PIP4K2C: variants seen among roughly 807,000 people sequenced by gnomAD.
PIP4K2C encodes the protein phosphatidylinositol-5-phosphate 4-kinase type 2 gamma, also known as phosphatidylinositol 5-phosphate 4-kinase type-2 gamma.
In PIP4K2C, 21 loss-of-function variants were observed where a neutral mutation model predicts 45.0. The ratio of observed to expected loss-of-function variants is 0.47; its 90% CI spans 0.33 to 0.67. The LOEUF (loss-of-function observed/expected upper bound fraction) is 0.67. Among genes scored for constraint, PIP4K2C ranks in the 30% least tolerant of loss-of-function variants. The pLI is 0.02. For synonymous variants in PIP4K2C, 201 were observed against 204.8 expected, an observed-to-expected ratio of 0.98 and a Z score of 0.16; for missense variants, 456 against 542.8, an observed-to-expected ratio of 0.84 and a Z score of 1.59.
chr12:57,593,293 T>A (rs933110167), intron 1 of PIP4K2C, among the ~76,000 whole-genome samples: 1 of 152,186 alleles, frequency 6.6e-6, no homozygotes, highest in African/African-American at 2.4e-5. Context: ...GCTCCCTTTC[T>A]ACCCTGAATT....
chr12:57,601,672 G>A lies in PIP4K2C; in HGVS notation c.*66G>A. ...TCTGAGACACTTGGGGGAATTGTGG[G>A]GATATTCTAGCCACCAGTTCTCTTC... On this transcript the variant is annotated 3_prime_UTR_variant, in exon 10 of 10. Coordinates refer to ENST00000354947, the MANE Select transcript of PIP4K2C (RefSeq NM_024779.5). 4.4e-6 allele frequency: 6 copies of A among 1,358,968 alleles called. No individual in the cohort carries two copies. In the South Asian group the frequency reaches 7.0e-5, roughly 16 times the overall value. The allele number at this position is 1,358,968 out of a possible 1,614,324, so 84.2% of individuals were successfully genotyped here. A position where few individuals can be genotyped will look rare whatever the true frequency, so the allele number is the denominator to read the frequency against.
At position 57,600,843 on chromosome 12, in the gene PIP4K2C, C is replaced by T. The variant is rs752677809; in HGVS notation, c.846C>T (p.Ser282=). The change falls in exon 8 of 10, where the codon AGC becomes AGT. Residue 282 remains serine, a synonymous_variant. Coordinates refer to ENST00000354947, the MANE Select transcript of PIP4K2C (RefSeq NM_024779.5). ...FLVQLKIMDY[S]LLLGIHDIIR... The stretch of plus-strand genomic sequence containing the variant: ...TGCAGCTGAAGATCATGGACTACAG[C>T]CTTCTGCTAGGCATCCACGACATCA... 5.0e-6 allele frequency: 8 copies of T among 1,614,052 alleles called. No individual in the cohort carries two copies. In the African/African-American group the frequency reaches 1.1e-4, roughly 22 times the overall value.
chr12:57,594,941 A>G (rs1883122892), intron 2 of PIP4K2C, among the ~76,000 whole-genome samples, 185 bp from the exon 3 acceptor site: 1 of 152,132 alleles, frequency 6.6e-6, no homozygotes, highest in Non-Finnish European at 1.5e-5. Flanking sequence ...CTGCAGTCCA[A>G]CCTGGCAACA....
chr12:57,600,390 G>A lies in PIP4K2C; in HGVS notation c.766G>A (p.Glu256Lys). 1 of 1,610,896 alleles carries A rather than the reference G, an allele frequency of 6.2e-7. No homozygotes were observed. The highest frequency in any genetic ancestry group is 1.7e-5 in the Admixed American group (1 of 60,006). Residue 256 changes from glutamate (E) to lysine (K), a missense_variant, in exon 7 of 10, where the codon GAA (glutamate) becomes AAA (lysine). Around this residue, in one of 2 missense-constraint regions of PIP4K2C, gnomAD observed 421 missense variants for 473.1 expected, o/e 0.89. Coordinates refer to ENST00000354947, the MANE Select transcript of PIP4K2C (RefSeq NM_024779.5). ...CAAGAACCAGAAAGTATATATTGGT[G>A]AAGAGGAGAAGAAAATATTTCTGGA... ...LNKNQKVYIG[E>K]EEKKIFLEKL...
At chr12:57,599,330 A>G in intron 5 of PIP4K2C, 70 bp from the exon 6 acceptor site, 3 of 1,608,730 alleles carry the variant, frequency 1.9e-6, no homozygotes, top group Non-Finnish European at 2.6e-6. Context: ...TTGAGTACTC[A>G]TCTTAGGGGC....
At chr12:57,598,954 C>T (rs770082795) in intron 4 of PIP4K2C, 111 bp from the exon 5 acceptor site, 1 of 1,196,680 alleles carries the variant, frequency 8.4e-7, no homozygotes, top group Non-Finnish European at 1.2e-6. Context: ...TGTAATCTCT[C>T]TACTTGAAGT....
rs1047391546 is a variant in PIP4K2C at position 57,602,801 on chromosome 12, C to G, written c.*1195C>G. The G allele has an allele frequency of 6.5e-6, 1 of 152,708 alleles. No individual in the cohort carries two copies. The highest frequency in any genetic ancestry group is 6.5e-5 in the Admixed American group (1 of 15,288). 9.5% of individuals were successfully genotyped at this position (152,708 alleles called of 1,614,324 possible). A position where few individuals can be genotyped will look rare whatever the true frequency, so the allele number is the denominator to read the frequency against. ...CCCCAGAGAGGAGTCAGAGCCATAACTCAATCACTCAGCCCCTCCAAAGAT... is the reference window on the plus strand; with the variant it reads ...CCCCAGAGAGGAGTCAGAGCCATAAGTCAATCACTCAGCCCCTCCAAAGAT... On this transcript the variant is annotated 3_prime_UTR_variant, in exon 10 of 10. Coordinates refer to ENST00000354947, the MANE Select transcript of PIP4K2C (RefSeq NM_024779.5).
At chr12:57,597,839 A>C (rs1259564744) in intron 4 of PIP4K2C, 3 of 152,228 alleles carry the variant, frequency 2.0e-5, no homozygotes, top group Admixed American at 2.0e-4. Flanking sequence ...GAGACTGGTC[A>C]ATAGGATCAA....
At chr12:57,600,512 G>T in intron 7 of PIP4K2C, 75 bp downstream of exon 7, 1 of 1,010,458 alleles carries the variant, frequency 9.9e-7, no homozygotes, top group Non-Finnish European at 1.5e-6. Context: ...TTCATTCACG[G>T]TATGAGGGAG....
chr12:57,599,474 G>A (rs778802818), intron 6 of PIP4K2C, 36 bp downstream of exon 6: 5 of 1,612,946 alleles, frequency 3.1e-6, no homozygotes, highest in Non-Finnish European at 4.2e-6. Flanking sequence ...TGAGGGATGA[G>A]GGATGAGGGA....
intron 4 of PIP4K2C, among the ~76,000 whole-genome samples, chr12:57,596,430 A>T (rs1399122887): frequency 6.6e-6 from 1 of 151,410 alleles, no homozygotes; most frequent in African/African-American, 2.4e-5. Context: ...GGTTGTAGTG[A>T]GCCGAGATCG....
At chr12:57,597,498 C>T (rs1440959437) in intron 4 of PIP4K2C, among the ~76,000 whole-genome samples, 1 of 152,092 alleles carries the variant, frequency 6.6e-6, no homozygotes, top group Non-Finnish European at 1.5e-5. Flanking sequence ...TGAGGATGTC[C>T]AGTAAGTGGT....
At chr12:57,595,670 T>C (rs1456484975) in intron 3 of PIP4K2C, among the ~76,000 whole-genome samples, 2 of 132,670 alleles carry the variant, frequency 1.5e-5, no homozygotes, top group African/African-American at 5.9e-5. Flanking sequence ...ACCACTACAC[T>C]CCAGCCTGGG....
At chr12:57,601,182 A>G in intron 8 of PIP4K2C, 63 bp from the exon 9 acceptor site, 4 of 1,588,574 alleles carry the variant, frequency 2.5e-6, no homozygotes, top group Non-Finnish European at 2.6e-6. Flanking sequence ...AACAAAACTG[A>G]CTGCTTCCTG....
rs1883448248 is a variant in PIP4K2C, at chr12:57,601,672, G to C, written c.*66G>C. 2.2e-6 allele frequency: 3 copies of C among 1,358,968 alleles called. No individual in the cohort carries two copies. The East Asian group carries it at 6.9e-5, about 31-fold the overall frequency. The allele number at this position is 1,358,968 out of a possible 1,614,324, so 84.2% of individuals were successfully genotyped here. A position where few individuals can be genotyped will look rare whatever the true frequency, so the allele number is the denominator to read the frequency against. On this transcript the variant is annotated 3_prime_UTR_variant, in exon 10 of 10. Coordinates refer to ENST00000354947, the MANE Select transcript of PIP4K2C (RefSeq NM_024779.5). ...TCTGAGACACTTGGGGGAATTGTGG[G>C]GATATTCTAGCCACCAGTTCTCTTC...
intron 5 of PIP4K2C, 27 bp downstream of exon 5, chr12:57,599,238 A>G (rs1565714608): frequency 6.2e-7 from 1 of 1,612,832 alleles, no homozygotes; most frequent in East Asian, 2.2e-5. Context: ...TCGGACTTAG[A>G]GGGAGGCTCC....
rs1172103925 is a variant in PIP4K2C, at chr12:57,602,677, C to G, written c.*1071C>G. On this transcript the variant is annotated 3_prime_UTR_variant, in exon 10 of 10. Transcript: ENST00000354947. ...ACACTTCCTTCTCCCACCCCTTTTT[C>G]CAGTTGGATTTGTTTTTCTGTTCTC... 1 of 152,476 alleles carries G rather than the reference C, an allele frequency of 6.6e-6. No homozygotes were observed. The highest frequency in any genetic ancestry group is 1.9e-4 in the East Asian group (1 of 5,190). The allele number at this position is 152,476 out of a possible 1,614,324, so 9.4% of individuals were successfully genotyped here.
chr12:57,603,393 A>G lies in PIP4K2C; in HGVS notation c.*1787A>G, dbSNP rs568979909. ...TATTTGCTCCTGTTACTATAATAAT[A>G]CAGGGAATAAATTATTCAATCCAAA... is the stretch of plus-strand genomic sequence containing the variant. On this transcript the variant is annotated 3_prime_UTR_variant, in exon 10 of 10. Transcript: ENST00000354947. 1 of 149,546 alleles carries G rather than the reference A, an allele frequency of 6.7e-6. No homozygotes were observed. Among genetic ancestry groups the G allele is most frequent in the Non-Finnish European group, 1.5e-5 (1 of 67,606 alleles). The allele number at this position is 149,546 out of a possible 1,614,324, so 9.3% of individuals were successfully genotyped here. A position where few individuals can be genotyped will look rare whatever the true frequency, so the allele number is the denominator to read the frequency against.
chr12:57,603,357 A>G lies in PIP4K2C; in HGVS notation c.*1751A>G, dbSNP rs1179749352. On this transcript the variant is annotated 3_prime_UTR_variant, in exon 10 of 10. Transcript: ENST00000354947. ...TTTTCATCTTTTTTGTTTTATTAAT[A>G]AAAATTTATGTATTTGCTCCTGTTA... The G allele has an allele frequency of 6.6e-6, 1 of 152,242 alleles. No homozygotes were observed. Among genetic ancestry groups the G allele is most frequent in the African/African-American group, 2.4e-5 (1 of 41,340 alleles). 9.4% of individuals were successfully genotyped at this position (152,242 alleles called of 1,614,324 possible).
Sources: gnomAD v4.1 joint callset for allele counts (sites outside exome capture counted in the v4.1 genomes callset) on GRCh38, gnomAD v4.1.1 for gene constraint, gnomAD v4.1.1 regional missense constraint, MANE v1.5 for transcripts, NCBI Gene and HGNC (gene_info 2026-07-23, HGNC 2026-07-21) for gene names.